Variants in DACH2 observed in about 807,000 individuals in gnomAD.
DACH2 encodes dachshund homolog 2.
In DACH2, 17 loss-of-function variants were observed where a neutral mutation model predicts 35.8. The ratio of observed to expected loss-of-function variants is 0.48; its 90% CI spans 0.33 to 0.71. The LOEUF (loss-of-function observed/expected upper bound fraction) is 0.71, where lower values mean the gene tolerates loss of function less well. Among genes scored for constraint, DACH2 ranks in the 30% least tolerant of loss-of-function variants. The pLI, the probability that DACH2 is intolerant of heterozygous loss-of-function variation, is 0.02. For synonymous variants in DACH2, 195 were observed against 177.3 expected, an observed-to-expected ratio of 1.10 and a Z score of -0.79; for missense variants, 469 against 472.7, an observed-to-expected ratio of 0.99 and a Z score of 0.07.
intron 3 of DACH2, among the ~76,000 whole-genome samples, chrX:86,609,032 CT>C (rs1321444423): frequency 1.8e-5 from 2 of 111,561 alleles, no homozygotes; most frequent in Non-Finnish European, 3.8e-5. Flanking sequence ...GGGAAGTTCT[CT>C]GTTATTGTCC....
chrX:86,373,921 A>G (rs1196762357), intron 1 of DACH2, among the ~76,000 whole-genome samples: 3 of 111,314 alleles, frequency 2.7e-5, no homozygotes. Context: ...TTAAAGGAAC[A>G]ATCTCTTTAG....
At chrX:86,464,040 G>A (rs990941448) in intron 2 of DACH2, among the ~76,000 whole-genome samples, 2 of 111,524 alleles carry the variant, frequency 1.8e-5, no homozygotes, top group South Asian at 7.6e-4. Flanking sequence ...GAGAGGATGT[G>A]GAGAAATGGG....
At chrX:86,703,644 C>A (rs1009394130) in intron 5 of DACH2, among the ~76,000 whole-genome samples, 4 of 111,004 alleles carry the variant, frequency 3.6e-5, no homozygotes, top group Non-Finnish European at 7.6e-5. Flanking sequence ...AAGCTGAGAG[C>A]CAAATCAAGA....
chrX:86,453,623 C>G (rs771215008), intron 2 of DACH2, among the ~76,000 whole-genome samples: 1 of 111,439 alleles, frequency 9.0e-6, no homozygotes, highest in African/African-American at 3.3e-5. Flanking sequence ...TTCTAAGAAA[C>G]TATGATTGTA....
chrX:86,429,179 C>T (rs754236252), intron 2 of DACH2, among the ~76,000 whole-genome samples: 4 of 109,480 alleles, frequency 3.7e-5, no homozygotes, highest in South Asian at 3.9e-4. Flanking sequence ...CTGTGGGCTT[C>T]GGAAAATGCA....
At chrX:86,616,994 T>A (rs1321888887) in intron 3 of DACH2, among the ~76,000 whole-genome samples, 1 of 112,363 alleles carries the variant, frequency 8.9e-6, no homozygotes, top group Admixed American at 9.5e-5. Flanking sequence ...GCTAGCCAGT[T>A]ATCGCAGCAC....
At chrX:86,557,839 C>A (rs2039155838) in intron 3 of DACH2, among the ~76,000 whole-genome samples, 1 of 12,120 alleles carries the variant, frequency 8.3e-5, no homozygotes, top group Non-Finnish European at 1.4e-4. Flanking sequence ...AGATTTTGGG[C>A]TGAGACGATG....
rs184228800 is a variant in DACH2 at position 86,662,389 on chromosome X, C to T, written c.772+11222C>T. ...CGGGCAGATCACGAGATCAGGAGAT[C>T]GAGATCATCCTGGCTAACACGGTGA... is the stretch of plus-strand genomic sequence containing the variant. On this transcript the variant is annotated intron_variant, in intron 4 of 11. Transcript: ENST00000373125. Among the ~76,000 whole-genome samples, 983 of 111,288 alleles carry T rather than the reference C, an allele frequency of 8.8e-3. 10 individuals carry two copies. Among genetic ancestry groups the T allele is most frequent in the African/African-American group, 0.03 (927 of 30,605 alleles).
chrX:86,692,120 T>G (rs1396644591), intron 4 of DACH2, among the ~76,000 whole-genome samples: 1 of 111,565 alleles, frequency 9.0e-6, no homozygotes, highest in Non-Finnish European at 1.9e-5. Flanking sequence ...TGTTCCACAC[T>G]CCTCAGCCGC....
At chrX:86,445,563 G>GAAAAAA (rs1180782349) in intron 2 of DACH2, among the ~76,000 whole-genome samples, 2 of 11,928 alleles carry the variant, frequency 1.7e-4, no homozygotes, top group African/African-American at 1.2e-3. Context: ...CCATCAGAGT[G>GAAAAAA]AACAAAAAAA....
chrX:86,469,842 T>TTGTGTG (rs59130472), intron 2 of DACH2, among the ~76,000 whole-genome samples: 3,556 of 102,942 alleles, frequency 0.035, 74 homozygotes, highest in East Asian at 0.19. Context: ...CTGTGTGTGT[T>TTGTGTG]TGTGTGTGTG....
chrX:86,639,600 T>C (rs760858366), intron 3 of DACH2, among the ~76,000 whole-genome samples: 1 of 110,870 alleles, frequency 9.0e-6, no homozygotes, highest in Non-Finnish European at 1.9e-5. Context: ...CACGTCACAA[T>C]ATAAGACCCA....
intron 1 of DACH2, among the ~76,000 whole-genome samples, chrX:86,334,091 C>A (rs1399378393): frequency 1.8e-5 from 2 of 111,916 alleles, no homozygotes; most frequent in African/African-American, 6.5e-5. Flanking sequence ...TGAATTCATC[C>A]TTTTTATGGC....
chrX:86,234,220 CAT>C (rs1354763502), intron 1 of DACH2, among the ~76,000 whole-genome samples: 1 of 111,892 alleles, frequency 8.9e-6, no homozygotes, highest in African/African-American at 3.3e-5. Context: ...TGGACAGTGA[CAT>C]GTGCATATGG....
chrX:86,643,242 GA>G (rs2044799810), intron 3 of DACH2, among the ~76,000 whole-genome samples: 1 of 102,842 alleles, frequency 9.7e-6, no homozygotes, highest in South Asian at 4.4e-4. Flanking sequence ...AAGAAAGAGA[GA>G]AGATCCAAAT....
chrX:86,258,106 G>T (rs2033558711), intron 1 of DACH2, among the ~76,000 whole-genome samples: 1 of 111,938 alleles, frequency 8.9e-6, no homozygotes, highest in African/African-American at 3.2e-5. Flanking sequence ...CCATAGGGAT[G>T]GTTGAGTACT....
At chrX:86,189,721 A>C (rs2031773170) in intron 1 of DACH2, among the ~76,000 whole-genome samples, 1 of 112,031 alleles carries the variant, frequency 8.9e-6, no homozygotes, top group African/African-American at 3.2e-5. Context: ...ACAAGATATT[A>C]AAATAGAAAA....
chrX:86,780,271 C>T (rs2042077749), intron 7 of DACH2, among the ~76,000 whole-genome samples: 1 of 110,162 alleles, frequency 9.1e-6, no homozygotes, highest in South Asian at 3.8e-4. Flanking sequence ...ATTCTGGCAA[C>T]TCAAAAACCC....
At chrX:86,155,637 C>T (rs2030519509) in intron 1 of DACH2, among the ~76,000 whole-genome samples, 1 of 111,032 alleles carries the variant, frequency 9.0e-6, no homozygotes, top group African/African-American at 3.3e-5. Flanking sequence ...TATAACTTTT[C>T]AGTTAGTCTG....
Sources: gnomAD v4.1 joint callset for allele counts (sites outside exome capture counted in the v4.1 genomes callset) on GRCh38, gnomAD v4.1.1 for gene constraint, MANE v1.5 for transcripts, NCBI Gene and HGNC (gene_info 2026-07-23, HGNC 2026-07-21) for gene names.